RXRG: variants seen among roughly 807,000 people sequenced by gnomAD.
The protein encoded by RXRG is retinoic acid receptor RXR-gamma.
In RXRG, 19 loss-of-function variants were observed where a neutral mutation model predicts 49.2. The ratio of observed to expected loss-of-function variants is 0.39; its 90% CI spans 0.27 to 0.57. The LOEUF is 0.57. RXRG is among the 20% of genes least tolerant of loss of function. The pLI is 0.64. For synonymous variants in RXRG, 224 were observed against 216.6 expected (o/e 1.03, Z -0.30); for missense variants, 452 against 592.5 (o/e 0.76, Z 2.46).
intron 2 of RXRG, among the ~76,000 whole-genome samples, chr1:165,421,336 C>G (rs1000285820): frequency 1.3e-5 from 2 of 152,102 alleles, no homozygotes; most frequent in African/African-American, 4.8e-5. Context: ...GAAGAATTCC[C>G]TCTTCCAGCA....
At chr1:165,418,327 T>C (rs539398495) in intron 3 of RXRG, among the ~76,000 whole-genome samples, 12 of 152,258 alleles carry the variant, frequency 7.9e-5, no homozygotes, top group African/African-American at 2.9e-4. Context: ...GTCTTCTTAA[T>C]ACCAGGCACT....
Position 165,417,105 on chromosome 1 carries a change from A to G in RXRG, c.558T>C (p.Arg186=), listed in dbSNP as rs765426654. ...RDNKDCLIDK[R]QRNRCQYCRY... ...GACAGTACTGGCAGCGGTTGCGCTGACGCTTGTCAATGAGGCAGTCTTTAT... is the reference window on the plus strand; with the variant it reads ...GACAGTACTGGCAGCGGTTGCGCTGGCGCTTGTCAATGAGGCAGTCTTTAT... Residue 186 remains arginine (R), a synonymous_variant, in exon 4 of 10, where the codon CGT becomes CGC. Coordinates refer to ENST00000359842, the MANE Select transcript of RXRG (RefSeq NM_006917.5). 6 of 1,614,194 alleles carry G rather than the reference A, an allele frequency of 3.7e-6. No individual in the cohort carries two copies. Among genetic ancestry groups the G allele is most frequent in the Non-Finnish European group, 5.1e-6 (6 of 1,180,006 alleles).
intron 2 of RXRG, chr1:165,424,776 A>C: frequency 2.0e-6 from 2 of 985,494 alleles, no homozygotes; most frequent in Non-Finnish European, 2.4e-6. Flanking sequence ...CAGAATGAAC[A>C]TGCTTCCATC....
intron 2 of RXRG, among the ~76,000 whole-genome samples, chr1:165,421,697 CT>C: frequency 6.6e-6 from 1 of 152,086 alleles, no homozygotes; most frequent in Admixed American, 6.5e-5. Flanking sequence ...ACTTAGCTAA[CT>C]TTTTTGTATT....
intron 4 of RXRG, among the ~76,000 whole-genome samples, chr1:165,412,747 C>T (rs1377709079): frequency 6.6e-6 from 1 of 152,174 alleles, no homozygotes; most frequent in Non-Finnish European, 1.5e-5. Flanking sequence ...TTTTTGGCCT[C>T]TTCCTCTCTC....
intron 8 of RXRG, 45 bp downstream of exon 8, chr1:165,408,182 A>T: frequency 7.0e-7 from 1 of 1,424,912 alleles, no homozygotes; most frequent in Non-Finnish European, 9.9e-7. Flanking sequence ...TTGACCGTGG[A>T]AGAGGGCTGA....
chr1:165,428,714 C>T lies in RXRG; in HGVS notation c.297+5G>A. 1.3e-6 allele frequency: 2 copies of T among 1,584,832 alleles called. No individual in the cohort carries two copies. Among genetic ancestry groups the T allele is most frequent in the East Asian group, 2.2e-5 (1 of 44,468 alleles). On this transcript the variant is annotated splice_donor_5th_base_variant and intron_variant, in intron 2 of 9. Coordinates refer to ENST00000359842, the MANE Select transcript of RXRG (RefSeq NM_006917.5). ...GGAAAGGCCTTGGAGAGGAAGAACA[C>T]TTACCTGAGAGCTGGGTGGGGCAAC...
intron 1 of RXRG, among the ~76,000 whole-genome samples, chr1:165,437,637 T>A (rs1191393186): frequency 6.6e-6 from 1 of 152,104 alleles, no homozygotes; most frequent in East Asian, 1.9e-4. Context: ...GGTGTGCACA[T>A]AATTGATGTT....
intron 4 of RXRG, among the ~76,000 whole-genome samples, chr1:165,413,608 G>T (rs747456876): frequency 6.6e-6 from 1 of 152,132 alleles, no homozygotes; most frequent in Non-Finnish European, 1.5e-5. Context: ...GGCTCACAAG[G>T]ATACCAATGC....
At chr1:165,402,814 T>C (rs1296887575) in intron 9 of RXRG, among the ~76,000 whole-genome samples, 6 of 152,000 alleles carry the variant, frequency 3.9e-5, no homozygotes, top group Non-Finnish European at 7.4e-5. Context: ...TGCACACGCA[T>C]CCACACACTC....
At chr1:165,425,056 G>T in intron 2 of RXRG, 1 of 549,648 alleles carries the variant, frequency 1.8e-6, no homozygotes, top group African/African-American at 2.1e-5. Context: ...TCTGCACACA[G>T]CCCAGTTGGC....
At chr1:165,413,565 A>C (rs1307177995) in intron 4 of RXRG, among the ~76,000 whole-genome samples, 1 of 152,164 alleles carries the variant, frequency 6.6e-6, no homozygotes, top group African/African-American at 2.4e-5. Flanking sequence ...CCTCCAAGGT[A>C]CTGGGCTAGG....
At chr1:165,417,705 G>A (rs1207580836) in intron 3 of RXRG, among the ~76,000 whole-genome samples, 1 of 152,180 alleles carries the variant, frequency 6.6e-6, no homozygotes, top group Non-Finnish European at 1.5e-5. Flanking sequence ...ACAGAATTCT[G>A]AGTTATGAAT....
intron 4 of RXRG, among the ~76,000 whole-genome samples, chr1:165,411,365 A>G (rs1657941691): frequency 6.6e-6 from 1 of 152,162 alleles, no homozygotes; most frequent in African/African-American, 2.4e-5. Context: ...TATCCATTTT[A>G]AGCTTTAATA....
chr1:165,435,182 C>T (rs1470257469), intron 1 of RXRG, among the ~76,000 whole-genome samples: 6 of 152,118 alleles, frequency 3.9e-5, no homozygotes. Context: ...ATCACAAAAT[C>T]AAAAGAAGAT....
At chr1:165,443,443 T>C (rs1167786135) in intron 1 of RXRG, among the ~76,000 whole-genome samples, 5 of 152,158 alleles carry the variant, frequency 3.3e-5, no homozygotes, top group Non-Finnish European at 7.4e-5. Context: ...GTCACAGCAT[T>C]GGCCACCGCT....
At chr1:165,431,307 G>A (rs1318994280) in intron 1 of RXRG, among the ~76,000 whole-genome samples, 1 of 152,204 alleles carries the variant, frequency 6.6e-6, no homozygotes, top group Non-Finnish European at 1.5e-5. Context: ...AGAGAAAAGA[G>A]GGCAGCGCTC....
Position 165,428,768 on chromosome 1 carries a change from G to C in RXRG, c.248C>G (p.Ala83Gly). The change falls in exon 2 of 10, where the codon GCA (alanine) becomes GGA (glycine). Residue 83 changes from alanine to glycine, a missense_variant. Around this residue, in one of 2 missense-constraint regions of RXRG, gnomAD observed 166 missense variants for 151.7 expected, o/e 1.09. Coordinates refer to ENST00000359842, the MANE Select transcript of RXRG (RefSeq NM_006917.5). The part of the protein sequence containing the change: ...ITSAMGPPSG[A>G]LAAPPGINLV... ...GTTGATTCCTGGAGGCGCTGCAAGT[G>C]CTCCTGAGGGTGGGCCCATGGCAGA... 1 of 1,608,058 alleles carries C rather than the reference G, an allele frequency of 6.2e-7. No homozygotes were observed. The highest frequency in any genetic ancestry group is 1.1e-5 in the South Asian group (1 of 90,944).
intron 2 of RXRG, chr1:165,424,692 G>T: frequency 1.4e-6 from 1 of 731,900 alleles, no homozygotes; most frequent in Non-Finnish European, 1.7e-6. Flanking sequence ...GACTGGCCCT[G>T]CCTGCTGCTC....
Sources: gnomAD v4.1 joint callset for allele counts (sites outside exome capture counted in the v4.1 genomes callset) on GRCh38, gnomAD v4.1.1 for gene constraint, gnomAD v4.1.1 regional missense constraint, MANE v1.5 for transcripts, NCBI Gene and HGNC (gene_info 2026-07-23, HGNC 2026-07-21) for gene names.